The following TSNARE1 variants were observed in gnomAD, a reference collection of about 807,000 sequenced individuals.
The protein encoded by TSNARE1 is t-SNARE domain-containing protein 1.
A neutral mutation model predicts 62.0 loss-of-function variants in TSNARE1; 49 were observed. That is an observed-to-expected ratio of 0.79 (90% CI 0.63 to 1.00). The LOEUF (loss-of-function observed/expected upper bound fraction) is 1.00. Ranked by LOEUF, TSNARE1 falls within the 50% of genes least tolerant of loss-of-function variation. TSNARE1 has a pLI of 0.00. For synonymous variants in TSNARE1, 328 were observed against 294.4 expected (o/e 1.11, Z -1.17); for missense variants, 755 against 700.1 (o/e 1.08, Z -0.88).
Position 142,238,623 on chromosome 8 carries a change from C to A in TSNARE1, c.1447-9044G>T, listed in dbSNP as rs540954994. 5.3e-5 allele frequency among the ~76,000 whole-genome samples: 8 copies of A among 152,104 alleles called. No individual in the cohort carries two copies. The South Asian group carries it at 1.2e-3, about 24-fold the overall frequency. ...CCTCCACGCCATTCTCCAGCCAGAACCATGCTCAAGGCTCCAAGCCACACT... is the reference window on the plus strand; with the variant it reads ...CCTCCACGCCATTCTCCAGCCAGAAACATGCTCAAGGCTCCAAGCCACACT... On this transcript the variant is annotated intron_variant, in intron 12 of 13. Transcript: ENST00000524325.
At chr8:142,310,766 A>C (rs949522260) in intron 9 of TSNARE1, among the ~76,000 whole-genome samples, 12 of 151,830 alleles carry the variant, frequency 7.9e-5, no homozygotes, top group Non-Finnish European at 1.8e-4. Flanking sequence ...TTTTTTTTCT[A>C]GTTTGAATCT....
intron 12 of TSNARE1, among the ~76,000 whole-genome samples, chr8:142,247,268 C>T (rs984463897): frequency 5.9e-5 from 9 of 152,288 alleles, no homozygotes; most frequent in South Asian, 2.1e-4. Flanking sequence ...GCTCTGGGGG[C>T]GCTACTGCCC....
chr8:142,367,515 C>CG (rs1835640591), intron 1 of TSNARE1, among the ~76,000 whole-genome samples: 1 of 17,062 alleles, frequency 5.9e-5, no homozygotes, highest in Non-Finnish European at 1.1e-4. Context: ...AGATGGACGC[C>CG]GGGGCGGGGG....
intron 11 of TSNARE1, among the ~76,000 whole-genome samples, chr8:142,281,488 G>A (rs1821441835): frequency 6.6e-6 from 1 of 152,010 alleles, no homozygotes; most frequent in African/African-American, 2.4e-5. Flanking sequence ...CATGGTTGGG[G>A]GCCGCACAGG....
At chr8:142,339,814 C>A (rs888319130) in intron 4 of TSNARE1, among the ~76,000 whole-genome samples, 4 of 152,242 alleles carry the variant, frequency 2.6e-5, no homozygotes, top group Non-Finnish European at 5.9e-5. Flanking sequence ...TGGGCCCTCG[C>A]CAGCGGAGAG....
At chr8:142,323,659 C>T (rs1490858900) in intron 6 of TSNARE1, among the ~76,000 whole-genome samples, 1 of 152,242 alleles carries the variant, frequency 6.6e-6, no homozygotes, top group Admixed American at 6.5e-5. Flanking sequence ...CAACCCAGGA[C>T]CAGCAGGGCA....
chr8:142,233,411 G>C (rs1016410093), intron 12 of TSNARE1, among the ~76,000 whole-genome samples: 2 of 152,160 alleles, frequency 1.3e-5, no homozygotes, highest in African/African-American at 4.8e-5. Flanking sequence ...TCCACATCAA[G>C]CCTTGAGAAC....
rs1563756712 is a variant in TSNARE1 at position 142,223,103 on chromosome 8, CA to C, written c.*11+6369del. Among the ~76,000 whole-genome samples, 61 of 143,976 alleles carry C rather than the reference CA, an allele frequency of 4.2e-4. 1 individual carries two copies. Among genetic ancestry groups the C allele is most frequent in the African/African-American group, 1.5e-3 (57 of 36,968 alleles). The allele number at this position is 143,976 out of a possible 152,430, so 94.5% of individuals were successfully genotyped here. A position where few individuals can be genotyped will look rare whatever the true frequency, so the allele number is the denominator to read the frequency against. On this transcript the variant is annotated intron_variant, in intron 13 of 13. Transcript: ENST00000524325. ...TCATTCACTCATTCATCCACTCATT[CA>C]CTCACTCGTTCACTCATTCACTCAT... is the stretch of plus-strand genomic sequence containing the variant.
chr8:142,256,196 C>T (rs1464074036), intron 12 of TSNARE1, among the ~76,000 whole-genome samples: 16 of 119,666 alleles, frequency 1.3e-4, no homozygotes, highest in African/African-American at 4.2e-4. Flanking sequence ...ACCATCATCA[C>T]CACCACCACT....
intron 1 of TSNARE1, among the ~76,000 whole-genome samples, chr8:142,389,955 T>A (rs1837367495): frequency 6.6e-6 from 1 of 152,198 alleles, no homozygotes; most frequent in South Asian, 2.1e-4. Flanking sequence ...CCAGGCCATG[T>A]GGTAAAATCT....
At chr8:142,375,416 G>T (rs958094147) in intron 1 of TSNARE1, among the ~76,000 whole-genome samples, 1 of 152,244 alleles carries the variant, frequency 6.6e-6, no homozygotes, top group African/African-American at 2.4e-5. Context: ...CTAAGTCTCT[G>T]CAGGGAAAGG....
chr8:142,290,346 G>A (rs78690848), intron 10 of TSNARE1, among the ~76,000 whole-genome samples: 1,651 of 152,316 alleles, frequency 0.011, 14 homozygotes, highest in Non-Finnish European at 0.015. Context: ...GAGCGGGGAA[G>A]ACCCAGAACT....
intron 10 of TSNARE1, among the ~76,000 whole-genome samples, chr8:142,286,984 T>G (rs1822870534): frequency 6.6e-6 from 1 of 152,148 alleles, no homozygotes; most frequent in Admixed American, 6.5e-5. Context: ...GGAACCTGAG[T>G]CACTGAGAGG....
chr8:142,380,425 G>A (rs773798829), intron 1 of TSNARE1, among the ~76,000 whole-genome samples: 6 of 152,178 alleles, frequency 3.9e-5, no homozygotes, highest in Admixed American at 6.5e-5. Flanking sequence ...TCATGGCATC[G>A]TGGAGCCTCC....
intron 10 of TSNARE1, among the ~76,000 whole-genome samples, chr8:142,293,179 A>T (rs1464923136): frequency 1.3e-5 from 2 of 152,160 alleles, no homozygotes; most frequent in Non-Finnish European, 2.9e-5. Flanking sequence ...AGTGGCACCG[A>T]CACCCCAGCT....
intron 12 of TSNARE1, chr8:142,270,801 G>A: frequency 1.0e-6 from 1 of 985,448 alleles, no homozygotes; most frequent in Non-Finnish European, 1.2e-6. Context: ...CATGGGGTTG[G>A]AGCCTCCAAC....
Position 142,330,900 on chromosome 8 carries a change from C to T in TSNARE1, c.893+1G>A. On this transcript the variant is annotated splice_donor_variant, in intron 6 of 13. Transcript: ENST00000524325. LOFTEE classifies it high-confidence loss of function. ...AGAGATACCATGGCCCACACACTCA[C>T]AGGCTGTCCCGAAGCTCCTGCGTGT... is the stretch of plus-strand genomic sequence containing the variant. The T allele has an allele frequency of 6.2e-7, 1 of 1,614,088 alleles. No individual in the cohort carries two copies. Among genetic ancestry groups the T allele is most frequent in the Non-Finnish European group, 8.5e-7 (1 of 1,179,982 alleles).
intron 12 of TSNARE1, among the ~76,000 whole-genome samples, chr8:142,245,936 G>A (rs1817866620): frequency 6.6e-6 from 1 of 152,182 alleles, no homozygotes; most frequent in African/African-American, 2.4e-5. Flanking sequence ...GACAAGCTAG[G>A]GGTTTGTACA....
chr8:142,261,260 G>A (rs1338660612), intron 12 of TSNARE1, among the ~76,000 whole-genome samples: 3 of 124,796 alleles, frequency 2.4e-5, no homozygotes, highest in African/African-American at 9.2e-5. Context: ...AGGGAGGAGG[G>A]AAGGAAGGAG....
Sources: allele counts gnomAD v4.1 joint callset (sites outside exome capture counted in the v4.1 genomes callset), GRCh38; gene constraint gnomAD v4.1.1; transcripts MANE v1.5; gene names NCBI Gene and HGNC (gene_info 2026-07-23, HGNC 2026-07-21).